The following WDR3 variants were observed in gnomAD, a reference collection of about 807,000 sequenced individuals.
WDR3 encodes the protein WD repeat domain 3, also known as WD repeat-containing protein 3.
A neutral mutation model predicts 123.7 loss-of-function variants in WDR3; 81 were observed. That is an observed-to-expected ratio of 0.65 (90% CI 0.55 to 0.79). The LOEUF is 0.79. Among genes scored for constraint, WDR3 ranks in the 30% least tolerant of loss-of-function variants. The pLI is 0.00. For synonymous variants in WDR3, 390 were observed against 388.8 expected, an observed-to-expected ratio of 1.00 and a Z score of -0.04; for missense variants, 1,027 against 1,123.2, an observed-to-expected ratio of 0.91 and a Z score of 1.22.
Position 117,959,347 on chromosome 1 carries a change from CA to C in WDR3, c.2737del (p.Ser913ValfsTer26), listed in dbSNP as rs746307773. Reference protein sequence around the residue: ...GLDYLKRECEAKSEVMFFADA... With the variant: ...GLDYLKRECEXKSEVMFFADA... ...GATTATCTCAAGAGGGAATGCGAGG[CA>C]AAAAGTGAAGTTATGTTTTTTGCTG... On this transcript the variant is annotated frameshift_variant, in exon 27 of 27. Transcript: ENST00000349139. LOFTEE classifies it high-confidence loss of function. 6.2e-7 allele frequency: 1 copy of C among 1,613,424 alleles called. No homozygotes were observed. The highest frequency in any genetic ancestry group is 1.7e-5 in the Admixed American group (1 of 59,966).
In WDR3 at chr1:117,933,408, C is replaced by A. The variant is rs1309397144; in HGVS notation, c.89C>A (p.Thr30Lys). The A allele has an allele frequency of 6.2e-7, 1 of 1,614,040 alleles. No individual in the cohort carries two copies. The highest frequency in any genetic ancestry group is 1.3e-5 in the African/African-American group (1 of 74,918). ...GSQKGNIVFVTLRGEKGRYVA... is the reference protein window; with the variant it reads ...GSQKGNIVFVKLRGEKGRYVA... ...CAAAAAGGTAATATTGTCTTTGTGA[C>A]ACTTCGTGGTGAGAAAGGACGTTAT... Residue 30 changes from threonine (T) to lysine (K), a missense_variant, in exon 2 of 27, where the codon ACA becomes AAA. Coordinates refer to ENST00000349139, the MANE Select transcript of WDR3 (RefSeq NM_006784.3).
chr1:117,940,796 C>G, intron 6 of WDR3, 31 bp from the exon 7 acceptor site: 3 of 1,559,052 alleles, frequency 1.9e-6, no homozygotes, highest in Non-Finnish European at 2.6e-6. Flanking sequence ...CATACTATTT[C>G]AGCTTTTATT....
At chr1:117,953,017 T>G (rs1480692940) in intron 20 of WDR3, 21 bp downstream of exon 20, 1 of 1,611,814 alleles carries the variant, frequency 6.2e-7, no homozygotes, top group African/African-American at 1.3e-5. Flanking sequence ...TTTGGGGACC[T>G]TGAGATTATG....
chr1:117,936,727 TA>T, intron 3 of WDR3, 41 bp from the exon 4 acceptor site: 1 of 1,487,188 alleles, frequency 6.7e-7, no homozygotes. Context: ...CCATATATGG[TA>T]AAGAAAATTA....
At chr1:117,946,446 T>A (rs1651383824) in intron 12 of WDR3, among the ~76,000 whole-genome samples, 1 of 152,154 alleles carries the variant, frequency 6.6e-6, no homozygotes, top group Non-Finnish European at 1.5e-5. Context: ...TGGGCGCATA[T>A]GTAATTGTGT....
rs773735956 is a variant in WDR3 at position 117,952,967 on chromosome 1, G to A, written c.2173G>A (p.Glu725Lys). The change falls in exon 20 of 27, where the codon GAG becomes AAG. Residue 725 changes from glutamate (E) to lysine (K), a missense_variant. By Grantham distance (56) the Glu-to-Lys change is moderately conservative. Transcript: ENST00000349139. ...REMEREAEYE[E>K]SVAKEDQPAV... Reference sequence around the variant, plus strand: ...GCAGGAAAGAGAAGCAGAATATGAGGAGAGTGTGGCCAAAGAAGACCAACC... The same window carrying A: ...GCAGGAAAGAGAAGCAGAATATGAGAAGAGTGTGGCCAAAGAAGACCAACC... The A allele has an allele frequency of 3.1e-6, 5 of 1,613,086 alleles. No individual in the cohort carries two copies. The highest frequency in any genetic ancestry group is 2.2e-5 in the East Asian group (1 of 44,870).
At chr1:117,957,332 T>A in intron 25 of WDR3, 136 bp downstream of exon 25, 1 of 1,124,670 alleles carries the variant, frequency 8.9e-7, no homozygotes, top group Non-Finnish European at 1.2e-6. Flanking sequence ...ATCCCAGCAC[T>A]TTGGGAGGCT....
At position 117,950,143 on chromosome 1, in the gene WDR3, T is replaced by C. The variant is rs1291073705; in HGVS notation, c.1746+13T>C. 2 of 1,612,630 alleles carry C rather than the reference T, an allele frequency of 1.2e-6. No homozygotes were observed. The highest frequency in any genetic ancestry group is 1.7e-6 in the Non-Finnish European group (2 of 1,179,316). On this transcript the variant is annotated intron_variant, in intron 15 of 26. Transcript: ENST00000349139. Reference sequence around the variant, plus strand: ...TGATACTTTAAAGGTACAGTGGTTATGCCTGCGGATATTTTCCCTTTCTGA... The same window carrying C: ...TGATACTTTAAAGGTACAGTGGTTACGCCTGCGGATATTTTCCCTTTCTGA...
chr1:117,932,048 G>C (rs544078634), intron 1 of WDR3, among the ~76,000 whole-genome samples: 1 of 152,278 alleles, frequency 6.6e-6, no homozygotes, highest in Non-Finnish European at 1.5e-5. Flanking sequence ...TTATTTTTGT[G>C]TGTTTTAAGT....
intron 11 of WDR3, among the ~76,000 whole-genome samples, 166 bp downstream of exon 11, chr1:117,943,792 TA>T (rs1651270092): frequency 6.7e-6 from 1 of 150,220 alleles, no homozygotes; most frequent in Non-Finnish European, 1.5e-5. Flanking sequence ...AGTTGCCTTT[TA>T]AAATGTGGTG....
At chr1:117,953,395 C>T (rs531577973) in intron 20 of WDR3, 81 bp from the exon 21 acceptor site, 1 of 1,342,018 alleles carries the variant, frequency 7.5e-7, no homozygotes, top group South Asian at 1.2e-5. Flanking sequence ...TAGCTGTTCT[C>T]ATATGGATGT....
At chr1:117,951,500 A>G (rs1447529016) in intron 16 of WDR3, among the ~76,000 whole-genome samples, 3 of 122,676 alleles carry the variant, frequency 2.4e-5, no homozygotes, top group Non-Finnish European at 4.9e-5. Context: ...ACAATGTTAA[A>G]TGTATTTCTT....
chr1:117,934,792 C>T (rs1299173655), intron 3 of WDR3, 110 bp downstream of exon 3: 1 of 1,061,370 alleles, frequency 9.4e-7, no homozygotes, highest in East Asian at 2.5e-5. Flanking sequence ...TGTCAATATA[C>T]AAAGTAGTAT....
intron 2 of WDR3, 78 bp from the exon 3 acceptor site, chr1:117,934,395 G>A (rs79995746): frequency 7.2e-7 from 1 of 1,381,658 alleles, no homozygotes; most frequent in East Asian, 2.3e-5. Flanking sequence ...TAATTTTACT[G>A]TGCCTGAGTA....
rs774234209 is a variant in WDR3, at chr1:117,955,349, T to C, written c.2444T>C (p.Ile815Thr). The C allele has an allele frequency of 3.7e-6, 6 of 1,612,484 alleles. No individual in the cohort carries two copies. In the East Asian group the frequency reaches 1.3e-4, roughly 36 times the overall value. ...SAYVLEIFKG[I>T]KSSELEESLL... ...TATGTATTAGAGATTTTTAAAGGGA[T>C]CAAGTCGAGGTGAGTGAGTCCTTGC... is the stretch of plus-strand genomic sequence containing the variant. The change falls in exon 24 of 27, where the codon ATC (isoleucine) becomes ACC (threonine). Residue 815 changes from isoleucine (I) to threonine (T), a missense_variant. Ile to Thr is a moderately conservative substitution (Grantham distance 89). Coordinates refer to ENST00000349139, the MANE Select transcript of WDR3 (RefSeq NM_006784.3).
rs993084179 is a variant in WDR3, at chr1:117,934,803, A to G, written c.381+121A>G. On this transcript the variant is annotated intron_variant, in intron 3 of 26. Coordinates refer to ENST00000349139, the MANE Select transcript of WDR3 (RefSeq NM_006784.3). Reference sequence around the variant, plus strand: ...GGGCTGTCAATATACAAAGTAGTATAATGATAGAGTGAAGAGGATGGGTGT... The same window carrying G: ...GGGCTGTCAATATACAAAGTAGTATGATGATAGAGTGAAGAGGATGGGTGT... The G allele has an allele frequency of 7.4e-5, 70 of 946,248 alleles. No homozygotes were observed. In the Middle Eastern group the frequency reaches 1.0e-3, roughly 14 times the overall value. The allele number at this position is 946,248 out of a possible 1,614,324, so 58.6% of individuals were successfully genotyped here. A position where few individuals can be genotyped will look rare whatever the true frequency, so the allele number is the denominator to read the frequency against.
Position 117,961,535 on chromosome 1 carries a change from T to TTTG in WDR3, c.*2097_*2099dup, listed in dbSNP as rs1290019929. On this transcript the variant is annotated 3_prime_UTR_variant, in exon 27 of 27. Coordinates refer to ENST00000349139, the MANE Select transcript of WDR3 (RefSeq NM_006784.3). ...TGAGACAGTTTTGCTTTTTATCTTTTTTGTTGTTGTTAATCCCAAAGATTT... is the reference window on the plus strand; with the variant it reads ...TGAGACAGTTTTGCTTTTTATCTTTTTTGTTGTTGTTGTTAATCCCAAAGATTT... 2.6e-5 allele frequency: 4 copies of TTTG among 152,342 alleles called. No homozygotes were observed. Among genetic ancestry groups the TTTG allele is most frequent in the South Asian group, 4.1e-4 (2 of 4,828 alleles). 9.4% of individuals were successfully genotyped at this position (152,342 alleles called of 1,614,324 possible). A position where few individuals can be genotyped will look rare whatever the true frequency, so the allele number is the denominator to read the frequency against.
Position 117,950,498 on chromosome 1 carries a change from C to G in WDR3, c.1747-336C>G, listed in dbSNP as rs180802666. Reference sequence around the variant, plus strand: ...AATATAGATTACTGAGCCCTATACCCAGAGAGTTGATAGGACCAGGTTGGG... The same window carrying G: ...AATATAGATTACTGAGCCCTATACCGAGAGAGTTGATAGGACCAGGTTGGG... On this transcript the variant is annotated intron_variant, in intron 15 of 26. Coordinates refer to ENST00000349139, the MANE Select transcript of WDR3 (RefSeq NM_006784.3). Among the ~76,000 whole-genome samples the G allele has an allele frequency of 3.0e-3, 456 of 152,184 alleles. 1 individual carries two copies. The highest frequency in any genetic ancestry group is 0.01 in the African/African-American group (431 of 41,528).
Position 117,954,109 on chromosome 1 carries a change from G to A in WDR3, c.2361+10G>A. The A allele has an allele frequency of 6.2e-7, 1 of 1,605,940 alleles. No individual in the cohort carries two copies. Among genetic ancestry groups the A allele is most frequent in the East Asian group, 2.2e-5 (1 of 44,744 alleles). On this transcript the variant is annotated intron_variant, in intron 22 of 26. Coordinates refer to ENST00000349139, the MANE Select transcript of WDR3 (RefSeq NM_006784.3). ...AGCTGCAGGGAAAGAGGTAATAAGA[G>A]AGTACAGTAAGTTACAGTATCAATA...
Sources: gnomAD v4.1 joint callset for allele counts (sites outside exome capture counted in the v4.1 genomes callset) on GRCh38, gnomAD v4.1.1 for gene constraint, MANE v1.5 for transcripts, NCBI Gene and HGNC (gene_info 2026-07-23, HGNC 2026-07-21) for gene names.